The following NDUFAF6 variants were observed in gnomAD, a reference collection of about 807,000 sequenced individuals.
NDUFAF6 encodes the protein NADH dehydrogenase (ubiquinone) complex I, assembly factor 6.
In NDUFAF6, 45 loss-of-function variants were observed where a neutral mutation model predicts 40.8. The observed-to-expected ratio is 1.10, with a 90% confidence interval of 0.87 to 1.42. The LOEUF (loss-of-function observed/expected upper bound fraction) is 1.42. Among genes scored for constraint, NDUFAF6 ranks in the 40% most tolerant of loss-of-function variants. The pLI, the probability that NDUFAF6 is intolerant of heterozygous loss-of-function variation, is 0.00. For synonymous variants in NDUFAF6, 185 were observed against 155.9 expected (o/e 1.19, Z -1.39); for missense variants, 435 against 418.5 (o/e 1.04, Z -0.34).
chr8:95,001,800 G>A (rs1377115154), intron 2 of NDUFAF6, among the ~76,000 whole-genome samples: 3 of 152,194 alleles, frequency 2.0e-5, no homozygotes, highest in African/African-American at 7.2e-5. Flanking sequence ...GATTTGGTTT[G>A]AGTCATTCAC....
In NDUFAF6 at chr8:94,933,520, T is replaced by C. The variant is rs1209182709; in HGVS notation, c.-935-11963T>C. Among the ~76,000 whole-genome samples, 7 of 152,210 alleles carry C rather than the reference T, an allele frequency of 4.6e-5. No homozygotes were observed. The East Asian group carries it at 1.4e-3, about 29-fold the overall frequency. ...TGGCTCATACCTGTAATCCCAGCAC[T>C]TTGGAAGGCCAAGGCAGGTGGCTCA... On this transcript the variant is annotated intron_variant, in intron 1 of 14. Transcript: ENST00000396113.
chr8:94,934,740 T>A (rs897060639), intron 1 of NDUFAF6, among the ~76,000 whole-genome samples: 1 of 152,108 alleles, frequency 6.6e-6, no homozygotes, highest in Admixed American at 6.6e-5. Flanking sequence ...AGGGAAGAAT[T>A]TTCAAGAAAT....
upstream of NDUFAF6, among the ~76,000 whole-genome samples, chr8:94,955,996 G>C (rs889721995): frequency 1.3e-5 from 2 of 152,170 alleles, no homozygotes; most frequent in Non-Finnish European, 2.9e-5. Flanking sequence ...ACTCAGAACA[G>C]AATTTAAAGT....
At chr8:95,053,924 G>GATTTTTTTTT (rs1563837664) in intron 8 of NDUFAF6, among the ~76,000 whole-genome samples, 1 of 76,168 alleles carries the variant, frequency 1.3e-5, no homozygotes, top group Non-Finnish European at 2.5e-5. Context: ...ACCGTGCCCG[G>GATTTTTTTTT]CTTTTTTTTT....
intron 2 of NDUFAF6, among the ~76,000 whole-genome samples, chr8:95,082,408 A>T (rs966350450): frequency 6.6e-6 from 1 of 152,168 alleles, no homozygotes; most frequent in Non-Finnish European, 1.5e-5. Flanking sequence ...TGTGAGGAGT[A>T]AATAGAGAGG....
intron 2 of NDUFAF6, among the ~76,000 whole-genome samples, chr8:94,991,675 T>G (rs1826198032): frequency 6.6e-6 from 1 of 152,226 alleles, no homozygotes; most frequent in African/African-American, 2.4e-5. Flanking sequence ...AAATATATTT[T>G]TTTCTTTTGC....
intron 2 of NDUFAF6, among the ~76,000 whole-genome samples, chr8:94,997,289 G>GACACACACACACACAC (rs57953301): frequency 1.1e-5 from 1 of 94,676 alleles, no homozygotes; most frequent in Non-Finnish European, 2.0e-5. Flanking sequence ...CAAGAAGAAA[G>GACACACACACACACAC]ACACACACAC....
At chr8:95,080,307 TTTTTGGTAGTGTATTTTTGTAGTGTA>T (rs1808788824), downstream of NDUFAF6, among the ~76,000 whole-genome samples, 1 of 70,854 alleles carries the variant, frequency 1.4e-5, no homozygotes, top group African/African-American at 4.2e-5. Context: ...TTGTAGTGAT[TTTTTGGTAGTGTATTTTTGTAGTGTA>T]TTTTTTGTAG....
At chr8:95,006,096 G>A (rs902589628) in intron 2 of NDUFAF6, among the ~76,000 whole-genome samples, 6 of 151,850 alleles carry the variant, frequency 4.0e-5, no homozygotes, top group South Asian at 2.1e-4. Flanking sequence ...GGTGGCTCAC[G>A]CCTGTAATCT....
intron 2 of NDUFAF6, among the ~76,000 whole-genome samples, chr8:95,016,098 C>T (rs1827433380): frequency 6.6e-6 from 1 of 152,106 alleles, no homozygotes; most frequent in Non-Finnish European, 1.5e-5. Context: ...TCATCATTAC[C>T]TGGTAGACTG....
intron 2 of NDUFAF6, among the ~76,000 whole-genome samples, chr8:95,102,458 C>T (rs73697742): frequency 0.029 from 4,395 of 152,242 alleles, 196 homozygotes; most frequent in African/African-American, 0.1. Flanking sequence ...CTACTGCTGG[C>T]CCCCCACTCC....
At chr8:94,939,072 T>C (rs1451384615) in intron 1 of NDUFAF6, among the ~76,000 whole-genome samples, 4 of 152,330 alleles carry the variant, frequency 2.6e-5, no homozygotes, top group African/African-American at 7.2e-5. Context: ...CCCACACATC[T>C]GGTGTCAGAA....
chr8:95,007,304 A>AC (rs1191676952), intron 2 of NDUFAF6, among the ~76,000 whole-genome samples: 2 of 35,666 alleles, frequency 5.6e-5, no homozygotes, highest in African/African-American at 3.1e-4. Context: ...TGCCTGTAAT[A>AC]CCAAAAAAAA....
rs146740005 is a variant in NDUFAF6 at position 94,925,803 on chromosome 8, T to C, written c.-935-19680T>C. Among the ~76,000 whole-genome samples the C allele has an allele frequency of 7.5e-3, 1,137 of 152,278 alleles. 8 individuals carry two copies. The highest frequency in any genetic ancestry group is 0.026 in the African/African-American group (1,082 of 41,560). The stretch of plus-strand genomic sequence containing the variant: ...GATGTGCCTGCCTTGGCCTTCCAAA[T>C]TGCTGGGATTACAGGCATGAGCCAC... On this transcript the variant is annotated intron_variant, in intron 1 of 14. Coordinates refer to the NDUFAF6 transcript ENST00000396113.
intron 1 of NDUFAF6, among the ~76,000 whole-genome samples, chr8:94,936,859 G>A (rs1314035155): frequency 6.6e-6 from 1 of 152,126 alleles, no homozygotes; most frequent in Admixed American, 6.5e-5. Flanking sequence ...GCTGCATCTA[G>A]ACATTCCTCT....
intron 2 of NDUFAF6, among the ~76,000 whole-genome samples, chr8:95,090,871 C>T (rs1263162517): frequency 2.0e-5 from 3 of 152,224 alleles, no homozygotes; most frequent in Non-Finnish European, 2.9e-5. Flanking sequence ...ATTTTTCTCC[C>T]GTGCTGAATG....
At chr8:95,114,225 G>A (rs1810079570) in intron 4 of NDUFAF6, among the ~76,000 whole-genome samples, 1 of 152,220 alleles carries the variant, frequency 6.6e-6, no homozygotes, top group Admixed American at 6.5e-5. Context: ...TCAGTGGCCT[G>A]AGGCTTGCAC....
Position 94,903,730 on chromosome 8 carries a change from T to G in NDUFAF6, c.-936+7803T>G, listed in dbSNP as rs543333368. On this transcript the variant is annotated intron_variant, in intron 1 of 14. Transcript: ENST00000396113. ...AAATGTTAATAGTTAATAAACTGAG[T>G]GATGGATGCACAGAGATTAATCTCT... 6.6e-5 allele frequency among the ~76,000 whole-genome samples: 10 copies of G among 152,254 alleles called. No individual in the cohort carries two copies. The South Asian group carries it at 2.1e-3, about 32-fold the overall frequency.
chr8:94,946,719 A>AAAAAAAAAAAAAAAAAAAAAAAAAAC, intron 2 of NDUFAF6, among the ~76,000 whole-genome samples: 1 of 149,378 alleles, frequency 6.7e-6, no homozygotes, highest in East Asian at 2.0e-4. Flanking sequence ...AAAAAAAAAA[A>AAAAAAAAAAAAAAAAAAAAAAAAAAC]AGACAGGCCC....
Sources: gnomAD v4.1 joint callset for allele counts (sites outside exome capture counted in the v4.1 genomes callset) on GRCh38, gnomAD v4.1.1 for gene constraint, MANE v1.5 for transcripts, NCBI Gene and HGNC (gene_info 2026-07-23, HGNC 2026-07-21) for gene names.